NRG3: variants seen among roughly 807,000 people sequenced by gnomAD.
NRG3 encodes the protein neuregulin 3.
NRG3 carries 31 observed loss-of-function variants against 66.9 expected under a neutral mutation model. The observed-to-expected ratio is 0.46, with a 90% CI of 0.35 to 0.63. The LOEUF is 0.63. NRG3 is among the 20% of genes least tolerant of loss of function. The probability of loss-of-function intolerance (pLI) is 0.00; values close to 1 mark genes in which losing one functional copy is unlikely to be tolerated. For missense variants in NRG3, 910 were observed against 878.9 expected, an observed-to-expected ratio of 1.04 and a Z score of -0.45; for synonymous variants, 393 against 359.4, an observed-to-expected ratio of 1.09 and a Z score of -1.06.
At chr10:82,119,902 G>T (rs937863998) in intron 1 of NRG3, among the ~76,000 whole-genome samples, 1 of 152,056 alleles carries the variant, frequency 6.6e-6, no homozygotes, top group Non-Finnish European at 1.5e-5. Context: ...AAATGATATG[G>T]CTGGAAATTC....
intron 1 of NRG3, among the ~76,000 whole-genome samples, chr10:81,948,110 A>G (rs565369447): frequency 6.6e-6 from 1 of 152,304 alleles, no homozygotes; most frequent in Non-Finnish European, 1.5e-5. Flanking sequence ...GCCTGTGGGC[A>G]TTACATATTC....
intron 2 of NRG3, among the ~76,000 whole-genome samples, chr10:82,702,068 C>A (rs1237204523): frequency 1.3e-5 from 2 of 152,148 alleles, no homozygotes; most frequent in Non-Finnish European, 2.9e-5. Flanking sequence ...GTCTGTGAAG[C>A]AGCAGGAGGA....
intron 2 of NRG3, among the ~76,000 whole-genome samples, chr10:82,524,639 T>G (rs1846514619): frequency 6.6e-6 from 1 of 151,948 alleles, no homozygotes; most frequent in Admixed American, 6.5e-5. Context: ...CAGTAACATA[T>G]TCAAATTCAT....
At chr10:82,194,199 T>C (rs1343206156) in intron 1 of NRG3, among the ~76,000 whole-genome samples, 1 of 152,062 alleles carries the variant, frequency 6.6e-6, no homozygotes, top group Non-Finnish European at 1.5e-5. Flanking sequence ...GTTTTTAGGC[T>C]ACATATATGA....
At chr10:82,513,863 A>G (rs1036978025) in intron 2 of NRG3, among the ~76,000 whole-genome samples, 1 of 152,210 alleles carries the variant, frequency 6.6e-6, no homozygotes, top group African/African-American at 2.4e-5. Context: ...TGACTTTTTA[A>G]TAATCATCAT....
At chr10:82,182,888 G>C (rs1035691401) in intron 1 of NRG3, among the ~76,000 whole-genome samples, 6 of 151,816 alleles carry the variant, frequency 4.0e-5, no homozygotes, top group African/African-American at 1.4e-4. Context: ...GGAGAGTTTT[G>C]CCAGGTATAA....
intron 2 of NRG3, among the ~76,000 whole-genome samples, chr10:82,567,557 T>C (rs1415621808): frequency 6.6e-6 from 1 of 151,988 alleles, no homozygotes; most frequent in Non-Finnish European, 1.5e-5. Context: ...GTAGTTACAC[T>C]TGACATTTGC....
intron 3 of NRG3, among the ~76,000 whole-genome samples, chr10:82,767,245 C>A (rs1358827102): frequency 6.6e-6 from 1 of 151,982 alleles, no homozygotes. Context: ...AAACAGATAC[C>A]TTCTCAATCT....
chr10:81,973,984 T>A (rs2060024513), intron 1 of NRG3, among the ~76,000 whole-genome samples: 1 of 152,214 alleles, frequency 6.6e-6, no homozygotes, highest in Admixed American at 6.5e-5. Context: ...TTTTTGTCCA[T>A]GCCTGTGTCT....
chr10:82,333,172 G>A (rs1353557224), intron 1 of NRG3, among the ~76,000 whole-genome samples: 2 of 152,114 alleles, frequency 1.3e-5, no homozygotes, highest in Non-Finnish European at 2.9e-5. Flanking sequence ...CGTTTAGGTG[G>A]TCCGTAACAA....
chr10:82,239,577 C>G (rs1235513527), intron 1 of NRG3, among the ~76,000 whole-genome samples: 1 of 152,164 alleles, frequency 6.6e-6, no homozygotes, highest in Non-Finnish European at 1.5e-5. Context: ...TTAAGCATCT[C>G]TTTGTTTACC....
intron 1 of NRG3, among the ~76,000 whole-genome samples, chr10:82,328,703 A>G (rs752568072): frequency 5.9e-5 from 9 of 152,184 alleles, no homozygotes; most frequent in Non-Finnish European, 1.2e-4. Flanking sequence ...GTCATCTCTT[A>G]TTCTCACAGA....
chr10:82,600,793 T>A (rs570256795), intron 2 of NRG3, among the ~76,000 whole-genome samples: 3 of 152,212 alleles, frequency 2.0e-5, no homozygotes, highest in East Asian at 3.9e-4. Context: ...TTATTTTTTT[T>A]AATTTTTATT....
At chr10:82,542,261 G>T (rs2043595371) in intron 2 of NRG3, among the ~76,000 whole-genome samples, 1 of 152,180 alleles carries the variant, frequency 6.6e-6, no homozygotes, top group Non-Finnish European at 1.5e-5. Flanking sequence ...ACTTTTTAGA[G>T]AAATAGCTGA....
intron 2 of NRG3, among the ~76,000 whole-genome samples, chr10:82,444,982 G>A (rs1296962034): frequency 6.6e-6 from 1 of 152,154 alleles, no homozygotes; most frequent in African/African-American, 2.4e-5. Context: ...AAATATTTAA[G>A]GAAAATAAGG....
At chr10:82,803,364 A>C (rs1423778610) in intron 3 of NRG3, among the ~76,000 whole-genome samples, 1 of 152,254 alleles carries the variant, frequency 6.6e-6, no homozygotes, top group Non-Finnish European at 1.5e-5. Flanking sequence ...GTGGGACTCT[A>C]AATGACAGAA....
intron 2 of NRG3, among the ~76,000 whole-genome samples, chr10:82,448,763 C>T (rs974954414): frequency 2.0e-5 from 3 of 151,952 alleles, no homozygotes; most frequent in Non-Finnish European, 2.9e-5. Flanking sequence ...TTGGTGAATT[C>T]GTATACATAT....
intron 4 of NRG3, among the ~76,000 whole-genome samples, chr10:82,908,951 G>A (rs1297081272): frequency 6.8e-6 from 1 of 147,802 alleles, no homozygotes; most frequent in Admixed American, 6.8e-5. Flanking sequence ...GGAGGGAGAG[G>A]CAGCCAATGG....
chr10:82,484,435 G>T (rs868789194), intron 2 of NRG3, among the ~76,000 whole-genome samples: 1 of 152,158 alleles, frequency 6.6e-6, no homozygotes, highest in South Asian at 2.1e-4. Flanking sequence ...TATATGTAAA[G>T]AATTTAGTAC....
Sources: allele counts gnomAD v4.1 joint callset (sites outside exome capture counted in the v4.1 genomes callset), GRCh38; gene constraint gnomAD v4.1.1; transcripts MANE v1.5; gene names NCBI Gene and HGNC (gene_info 2026-07-23, HGNC 2026-07-21).